Variants in TLL2 observed in about 807,000 individuals in gnomAD.
TLL2 encodes the protein tolloid-like protein 2.
A neutral mutation model predicts 123.0 loss-of-function variants in TLL2; 106 were observed. The ratio of observed to expected loss-of-function variants is 0.86; its 90% CI spans 0.74 to 1.01. The LOEUF (loss-of-function observed/expected upper bound fraction) is 1.01. Ranked by LOEUF, TLL2 falls within the 50% of genes least tolerant of loss-of-function variation. The pLI is 0.00. For missense variants in TLL2, 1,332 were observed against 1,336.7 expected (o/e 1.00, Z 0.06); for synonymous variants, 494 against 516.8 (o/e 0.96, Z 0.60).
rs10047315 is a variant in TLL2 at position 96,509,977 on chromosome 10, G to A, written c.175+3534C>T. ...AGTAAATAAATAAATAAATAAATAA[G>A]TAAATAAAACTGGCCTTTTGTCTAC... is the stretch of plus-strand genomic sequence containing the variant. On this transcript the variant is annotated intron_variant, in intron 1 of 20. Coordinates refer to ENST00000357947, the MANE Select transcript of TLL2 (RefSeq NM_012465.4). Among the ~76,000 whole-genome samples the A allele has an allele frequency of 3.5e-3, 532 of 150,872 alleles. 4 individuals are homozygous for A. Among genetic ancestry groups the A allele is most frequent in the African/African-American group, 0.012 (484 of 40,330 alleles).
intron 8 of TLL2, 32 bp downstream of exon 8, chr10:96,413,160 A>G (rs759476685): frequency 6.2e-7 from 1 of 1,611,884 alleles, no homozygotes; most frequent in Non-Finnish European, 8.5e-7. Context: ...GATGCTAGGG[A>G]GGTGCTGGCA....
intron 2 of TLL2, among the ~76,000 whole-genome samples, chr10:96,476,808 T>G (rs11188782): frequency 0.77 from 116,374 of 151,174 alleles, 44,865 homozygotes; most frequent in Middle Eastern, 0.88. Context: ...AGTAAAAAAT[T>G]CAGACAACAC....
chr10:96,502,949 G>T (rs1847548736), intron 1 of TLL2, among the ~76,000 whole-genome samples: 1 of 152,176 alleles, frequency 6.6e-6, no homozygotes, highest in South Asian at 2.1e-4. Flanking sequence ...ATTGGCAGAA[G>T]TGGTTAGAGG....
At chr10:96,410,731 A>T (rs2134070198) in intron 8 of TLL2, 1 of 571,116 alleles carries the variant, frequency 1.8e-6, no homozygotes, top group East Asian at 3.9e-5. Context: ...CATGAATCTT[A>T]GCTCTCTGGC....
chr10:96,489,073 G>A (rs1847386123), intron 1 of TLL2, among the ~76,000 whole-genome samples: 1 of 152,236 alleles, frequency 6.6e-6, no homozygotes, highest in South Asian at 2.1e-4. Context: ...TAATTGTGAT[G>A]TGTGCCATGG....
intron 2 of TLL2, among the ~76,000 whole-genome samples, chr10:96,476,216 T>TTATATATATATATATATATATA (rs1466849863): frequency 3.6e-4 from 12 of 33,342 alleles, no homozygotes; most frequent in Non-Finnish European, 5.7e-4. Context: ...CTTTTTAATT[T>TTATATATATATATATATATATA]TATATGTATA....
At chr10:96,456,467 G>A (rs1847017144) in intron 2 of TLL2, among the ~76,000 whole-genome samples, 1 of 152,178 alleles carries the variant, frequency 6.6e-6, no homozygotes, top group African/African-American at 2.4e-5. Flanking sequence ...CAGAGAAGCT[G>A]TCCCTGGTAA....
intron 2 of TLL2, among the ~76,000 whole-genome samples, chr10:96,476,240 A>ATATATATATATATATATATATATTC: frequency 4.9e-5 from 1 of 20,500 alleles, no homozygotes; most frequent in Non-Finnish European, 1.0e-4. Flanking sequence ...ATATATATAT[A>ATATATATATATATATATATATATTC]TTTTATTTTT....
intron 1 of TLL2, among the ~76,000 whole-genome samples, chr10:96,509,321 C>A (rs905691244): frequency 1.1e-4 from 16 of 152,096 alleles, no homozygotes; most frequent in African/African-American, 3.9e-4. Flanking sequence ...GTTGTTCTAC[C>A]CCACTGGTCT....
At chr10:96,447,797 C>T (rs771712435) in intron 2 of TLL2, among the ~76,000 whole-genome samples, 33 of 152,186 alleles carry the variant, frequency 2.2e-4, no homozygotes, top group Non-Finnish European at 4.0e-4. Context: ...TATCAGAACA[C>T]TTTATGTGTA....
rs181819164 is a variant in TLL2 at position 96,505,101 on chromosome 10, C to T, written c.175+8410G>A. Among the ~76,000 whole-genome samples, 269 of 152,340 alleles carry T rather than the reference C, an allele frequency of 1.8e-3. 1 individual carries two copies. Among genetic ancestry groups the T allele is most frequent in the Non-Finnish European group, 3.2e-3 (221 of 68,024 alleles). On this transcript the variant is annotated intron_variant, in intron 1 of 20. Coordinates refer to ENST00000357947, the MANE Select transcript of TLL2 (RefSeq NM_012465.4). ...ATAAGCAAAAGAGGCTTAATTGACTCGCAGTTCTGCATGGAGTCTGATGGA... is the reference window on the plus strand; with the variant it reads ...ATAAGCAAAAGAGGCTTAATTGACTTGCAGTTCTGCATGGAGTCTGATGGA...
chr10:96,490,963 G>A (rs1462201549), intron 1 of TLL2, among the ~76,000 whole-genome samples: 1 of 152,176 alleles, frequency 6.6e-6, no homozygotes, highest in Admixed American at 6.5e-5. Flanking sequence ...TTCCAACTAT[G>A]ACCCTGGGGT....
At chr10:96,399,512 CT>C (rs1207663847) in intron 10 of TLL2, among the ~76,000 whole-genome samples, 1 of 152,074 alleles carries the variant, frequency 6.6e-6, no homozygotes, top group Non-Finnish European at 1.5e-5. Context: ...CACCTGTAGC[CT>C]TTTGGAATTG....
At chr10:96,416,815 A>G (rs751163894) in intron 7 of TLL2, among the ~76,000 whole-genome samples, 9 of 152,106 alleles carry the variant, frequency 5.9e-5, no homozygotes, top group Non-Finnish European at 1.2e-4. Context: ...TCCCTCTTTC[A>G]TGTAGGACAA....
intron 8 of TLL2, among the ~76,000 whole-genome samples, 191 bp downstream of exon 8, chr10:96,413,001 C>T (rs1214060210): frequency 6.6e-6 from 1 of 152,224 alleles, no homozygotes; most frequent in East Asian, 1.9e-4. Context: ...ACCTATTATT[C>T]TCTTCACTGC....
chr10:96,480,104 C>T (rs912400893), intron 2 of TLL2, among the ~76,000 whole-genome samples: 4 of 152,186 alleles, frequency 2.6e-5, no homozygotes, highest in Admixed American at 6.5e-5. Context: ...GAACAAATGC[C>T]GAGCTCCAGC....
At chr10:96,507,272 T>C (rs1172066172) in intron 1 of TLL2, among the ~76,000 whole-genome samples, 1 of 125,372 alleles carries the variant, frequency 8.0e-6, no homozygotes, top group African/African-American at 3.1e-5. Context: ...CAACTGTTCC[T>C]CAGGGGCTAA....
chr10:96,482,257 CA>C (rs34832390), intron 1 of TLL2, among the ~76,000 whole-genome samples: 49 of 93,384 alleles, frequency 5.2e-4, no homozygotes, highest in Admixed American at 1.2e-3. Flanking sequence ...GACTACGTCT[CA>C]AAAAAAAAAA....
intron 18 of TLL2, 23 bp from the exon 19 acceptor site, chr10:96,373,832 T>C (rs368244465): frequency 5.0e-5 from 81 of 1,608,044 alleles, no homozygotes; most frequent in Non-Finnish European, 6.7e-5. Flanking sequence ...GAGCAGAAAG[T>C]AAGGCAAGGG....
Sources: gnomAD v4.1 joint callset for allele counts (sites outside exome capture counted in the v4.1 genomes callset) on GRCh38, gnomAD v4.1.1 for gene constraint, MANE v1.5 for transcripts, NCBI Gene and HGNC (gene_info 2026-07-23, HGNC 2026-07-21) for gene names.